Variants in ADGRL2 observed in about 807,000 individuals in gnomAD.
The protein encoded by ADGRL2 is adhesion G protein-coupled receptor L2.
A neutral mutation model predicts 157.4 loss-of-function variants in ADGRL2; 44 were observed. The ratio of observed to expected loss-of-function variants is 0.28; its 90% CI spans 0.22 to 0.36. The LOEUF is 0.36. Among genes scored for constraint, ADGRL2 ranks in the 10% least tolerant of loss-of-function variants. ADGRL2 has a pLI of 1.00. For missense variants in ADGRL2, 1,510 were observed against 1,768.9 expected (o/e 0.85, Z 2.63); for synonymous variants, 585 against 624.7 (o/e 0.94, Z 0.95).
intron 2 of ADGRL2, among the ~76,000 whole-genome samples, chr1:81,768,905 AC>A (rs1419250366): frequency 6.6e-6 from 1 of 151,934 alleles, no homozygotes; most frequent in Non-Finnish European, 1.5e-5. Flanking sequence ...ACACGGTGAA[AC>A]CCCGTCTCTA....
At chr1:81,403,681 G>A (rs1300350939) in intron 1 of ADGRL2, among the ~76,000 whole-genome samples, 1 of 151,972 alleles carries the variant, frequency 6.6e-6, no homozygotes, top group Non-Finnish European at 1.5e-5. Flanking sequence ...ATTTAGAGAT[G>A]CCAAAATGCA....
chr1:81,510,126 T>C (rs2079049362), intron 2 of ADGRL2, among the ~76,000 whole-genome samples: 1 of 152,200 alleles, frequency 6.6e-6, no homozygotes, highest in Non-Finnish European at 1.5e-5. Flanking sequence ...GATGCCTCTT[T>C]CGAAATCAAA....
At position 81,943,308 on chromosome 1, in the gene ADGRL2, A is replaced by C. The variant is rs1648712933; in HGVS notation, c.749A>C (p.Asn250Thr). 6.2e-7 allele frequency: 1 copy of C among 1,613,422 alleles called. No homozygotes were observed. The highest frequency in any genetic ancestry group is 8.5e-7 in the Non-Finnish European group (1 of 1,179,670). Residue 250 changes from asparagine to threonine, a missense_variant, in exon 6 of 24, where the codon AAC (asparagine) becomes ACC (threonine). Physicochemically the swap from Asn to Thr is moderately conservative, Grantham distance 65 (BLOSUM62 0). Coordinates refer to ENST00000686636, the MANE Select transcript of ADGRL2 (RefSeq NM_001366006.2). The surrounding 1 kb of genome is among the most constrained non-coding windows in gnomAD (Gnocchi z 5.6). ...ATTAAGAGTGGCGAGGCCATAATTAACTATGCCAACTACCATGATACCTCA... is the reference window on the plus strand; with the variant it reads ...ATTAAGAGTGGCGAGGCCATAATTACCTATGCCAACTACCATGATACCTCA... ...TRIKSGEAII[N>T]YANYHDTSPY...
intron 2 of ADGRL2, among the ~76,000 whole-genome samples, chr1:81,476,349 CTAAG>C (rs1402502149): frequency 2.0e-5 from 3 of 152,050 alleles, no homozygotes; most frequent in Admixed American, 2.0e-4. Flanking sequence ...GCAAAAATAT[CTAAG>C]TAAAGCAGCA....
At chr1:81,716,313 C>T (rs766137509) in intron 1 of ADGRL2, among the ~76,000 whole-genome samples, 52 of 152,050 alleles carry the variant, frequency 3.4e-4, no homozygotes, top group Admixed American at 4.6e-4. Context: ...TTAGATTACT[C>T]GAGCTCTATT....
chr1:81,838,290 T>A (rs1352382032), intron 2 of ADGRL2, among the ~76,000 whole-genome samples: 1 of 152,072 alleles, frequency 6.6e-6, no homozygotes, highest in Admixed American at 6.6e-5. Flanking sequence ...TTTAAATAAA[T>A]AACAAATTTA....
At chr1:81,637,996 C>T (rs1047306334) in intron 3 of ADGRL2, among the ~76,000 whole-genome samples, 1 of 151,614 alleles carries the variant, frequency 6.6e-6, no homozygotes, top group Non-Finnish European at 1.5e-5. Flanking sequence ...AATATAGAGT[C>T]ATTCACCATG....
At chr1:81,453,536 A>G (rs1467178018) in intron 2 of ADGRL2, among the ~76,000 whole-genome samples, 1 of 152,182 alleles carries the variant, frequency 6.6e-6, no homozygotes, top group Non-Finnish European at 1.5e-5. Flanking sequence ...AGAAACATTT[A>G]TGACTTTTGC....
intron 3 of ADGRL2, among the ~76,000 whole-genome samples, chr1:81,936,172 G>T (rs2095307791): frequency 6.6e-6 from 1 of 151,860 alleles, no homozygotes; most frequent in South Asian, 2.1e-4. Context: ...TACTAGCTTA[G>T]TTTCTGGTAT....
intron 1 of ADGRL2, among the ~76,000 whole-genome samples, chr1:81,818,147 G>A (rs1254325592): frequency 6.6e-6 from 1 of 151,352 alleles, no homozygotes; most frequent in Admixed American, 6.6e-5. Flanking sequence ...TCCAACCTGG[G>A]CAACAGACCT....
chr1:81,312,275 G>A (rs1476336368), intron 1 of ADGRL2, among the ~76,000 whole-genome samples: 1 of 152,160 alleles, frequency 6.6e-6, no homozygotes, highest in Non-Finnish European at 1.5e-5. Flanking sequence ...AGTTTTACCC[G>A]GGCGGACGCC....
At chr1:81,680,840 T>C (rs981510498) in intron 3 of ADGRL2, among the ~76,000 whole-genome samples, 33 of 152,146 alleles carry the variant, frequency 2.2e-4, no homozygotes, top group African/African-American at 8.0e-4. Context: ...TTCCTGCTCC[T>C]TGATAAAACT....
At chr1:81,717,266 C>T (rs147048276) in intron 1 of ADGRL2, among the ~76,000 whole-genome samples, 325 of 152,262 alleles carry the variant, frequency 2.1e-3, no homozygotes, top group Admixed American at 4.6e-3. Flanking sequence ...TATGATTCTC[C>T]GGGTAAGTCC....
At chr1:81,502,997 C>T in intron 2 of ADGRL2, 1 of 1,613,328 alleles carries the variant, frequency 6.2e-7, no homozygotes, top group Non-Finnish European at 8.5e-7. Flanking sequence ...AATCGTCTGG[C>T]TGTGCCCGTG....
At chr1:81,412,717 ATGGATAAT>A (rs1196273197) in intron 1 of ADGRL2, among the ~76,000 whole-genome samples, 4 of 152,208 alleles carry the variant, frequency 2.6e-5, no homozygotes, top group African/African-American at 9.6e-5. Context: ...GTTGCAATAG[ATGGATAAT>A]TGGGTGAAGG....
At chr1:81,543,350 A>T (rs1490549177) in intron 2 of ADGRL2, among the ~76,000 whole-genome samples, 8 of 151,904 alleles carry the variant, frequency 5.3e-5, no homozygotes. Flanking sequence ...TGAGGACACA[A>T]GGAGAAGGCA....
intron 1 of ADGRL2, among the ~76,000 whole-genome samples, chr1:81,725,814 A>G (rs538104212): frequency 5.3e-5 from 8 of 152,090 alleles, no homozygotes; most frequent in African/African-American, 1.9e-4. Context: ...TTAATTTTCA[A>G]CCCCCTCCAA....
At chr1:81,506,463 C>G (rs533311279) in intron 2 of ADGRL2, among the ~76,000 whole-genome samples, 3 of 152,152 alleles carry the variant, frequency 2.0e-5, no homozygotes, top group African/African-American at 7.2e-5. Flanking sequence ...AATCCCAGCA[C>G]TTTGGGAGGC....
chr1:81,463,121 A>G (rs891449940), intron 2 of ADGRL2, among the ~76,000 whole-genome samples: 3 of 147,784 alleles, frequency 2.0e-5, no homozygotes, highest in African/African-American at 7.3e-5. Context: ...TCTCAAAAAA[A>G]AAAAAAAAAA....
Sources: allele counts gnomAD v4.1 joint callset (sites outside exome capture counted in the v4.1 genomes callset), GRCh38; gene constraint gnomAD v4.1.1; non-coding constraint Gnocchi (gnomAD v3.1); transcripts MANE v1.5; gene names NCBI Gene and HGNC (gene_info 2026-07-23, HGNC 2026-07-21).